MGAT4A: variants seen among roughly 807,000 people sequenced by gnomAD.
The protein encoded by MGAT4A is N-acetylglucosaminyltransferase IVa.
MGAT4A carries 33 observed loss-of-function variants against 74.1 expected under a neutral mutation model. The observed-to-expected ratio is 0.45, with a 90% CI of 0.34 to 0.60. MGAT4A has a LOEUF of 0.60. MGAT4A is among the 20% of genes least tolerant of loss of function. The pLI is 0.02. For synonymous variants in MGAT4A, 198 were observed against 210.4 expected (o/e 0.94, Z 0.51); for missense variants, 479 against 628.3 (o/e 0.76, Z 2.54).
chr2:98,634,746 A>G (rs1414085987), intron 14 of MGAT4A, among the ~76,000 whole-genome samples: 3 of 148,700 alleles, frequency 2.0e-5, no homozygotes, highest in Non-Finnish European at 4.5e-5. Context: ...AACTAGATGG[A>G]TAGGGACAGC....
rs1575236600 is a variant in MGAT4A, at chr2:98,623,727, A to T, written c.*1839T>A. 11 of 985,464 alleles carry T rather than the reference A, an allele frequency of 1.1e-5. No homozygotes were observed. The highest frequency in any genetic ancestry group is 1.0e-4 in the African/African-American group (6 of 57,376). The allele number at this position is 985,464 out of a possible 1,614,324, so 61.0% of individuals were successfully genotyped here. ...CTAAAAATTATAACAACATGGAGTG[A>T]TGGAAATAATTGTACTGTATCAGTG... On this transcript the variant is annotated 3_prime_UTR_variant, in exon 16 of 16. Coordinates refer to ENST00000393487, the MANE Select transcript of MGAT4A (RefSeq NM_012214.3).
chr2:98,711,262 GA>G (rs60628182), intron 2 of MGAT4A, among the ~76,000 whole-genome samples: 1,205 of 110,268 alleles, frequency 0.011, 9 homozygotes, highest in African/African-American at 0.026. Context: ...AGTTAATTTG[GA>G]AAAAAAAAAA....
intron 2 of MGAT4A, among the ~76,000 whole-genome samples, chr2:98,690,689 G>A (rs1400438950): frequency 6.6e-6 from 1 of 152,100 alleles, no homozygotes; most frequent in African/African-American, 2.4e-5. Flanking sequence ...CCAAGATGAC[G>A]CAGATGTTGA....
rs1701381398 is a variant in MGAT4A, at chr2:98,640,014, A to T, written c.1129-13T>A. On this transcript the variant is annotated splice_polypyrimidine_tract_variant and intron_variant, in intron 11 of 15. Coordinates refer to ENST00000393487, the MANE Select transcript of MGAT4A (RefSeq NM_012214.3). Reference sequence around the variant, plus strand: ...TATAATCTTTATCCTGGGAGCAAAGACATATATGCTATTAAATAATACACA... The same window carrying T: ...TATAATCTTTATCCTGGGAGCAAAGTCATATATGCTATTAAATAATACACA... The T allele has an allele frequency of 6.3e-7, 1 of 1,596,406 alleles. No individual in the cohort carries two copies. Among genetic ancestry groups the T allele is most frequent in the Admixed American group, 1.8e-5 (1 of 57,092 alleles).
intron 12 of MGAT4A, among the ~76,000 whole-genome samples, chr2:98,639,309 A>G (rs1485852964): frequency 1.3e-5 from 2 of 152,144 alleles, no homozygotes; most frequent in African/African-American, 4.8e-5. Context: ...AGAAAGTCCT[A>G]AATTTTGTAA....
chr2:98,647,737 A>C (rs190465169), intron 8 of MGAT4A, among the ~76,000 whole-genome samples: 5 of 152,344 alleles, frequency 3.3e-5, no homozygotes, highest in Admixed American at 3.3e-4. Flanking sequence ...TTTTGCAATA[A>C]AGCACTTTAT....
intron 2 of MGAT4A, among the ~76,000 whole-genome samples, chr2:98,687,275 C>T (rs1702143456): frequency 6.6e-6 from 1 of 152,118 alleles, no homozygotes; most frequent in Non-Finnish European, 1.5e-5. Flanking sequence ...AAGATAACTA[C>T]ATAGTTATCT....
intron 5 of MGAT4A, 63 bp from the exon 6 acceptor site, chr2:98,658,327 T>C (rs908235248): frequency 1.8e-5 from 16 of 877,872 alleles, no homozygotes; most frequent in Non-Finnish European, 2.7e-5. Context: ...CTGTTAATAC[T>C]GAACTCGAAA....
chr2:98,670,974 T>C (rs987889920), intron 4 of MGAT4A, among the ~76,000 whole-genome samples: 1 of 152,158 alleles, frequency 6.6e-6, no homozygotes, highest in Non-Finnish European at 1.5e-5. Flanking sequence ...ATTATCATAT[T>C]CAAATTTAAT....
At chr2:98,660,457 CA>C (rs1553537232) in intron 5 of MGAT4A, among the ~76,000 whole-genome samples, 1 of 141,766 alleles carries the variant, frequency 7.1e-6, no homozygotes, top group Admixed American at 7.1e-5. Flanking sequence ...CACACACACA[CA>C]ACAAATAGCC....
intron 5 of MGAT4A, among the ~76,000 whole-genome samples, chr2:98,660,509 C>T (rs1701733524): frequency 6.6e-6 from 1 of 151,268 alleles, no homozygotes; most frequent in Admixed American, 6.6e-5. Flanking sequence ...GGAGGCAACA[C>T]ACTTTATTAT....
chr2:98,708,258 G>A (rs1320198512), intron 2 of MGAT4A, among the ~76,000 whole-genome samples: 1 of 151,922 alleles, frequency 6.6e-6, no homozygotes, highest in African/African-American at 2.4e-5. Flanking sequence ...GTGAGCCACC[G>A]CACCCCGCCA....
At chr2:98,637,532 G>C (rs1701340886) in intron 12 of MGAT4A, among the ~76,000 whole-genome samples, 1 of 152,130 alleles carries the variant, frequency 6.6e-6, no homozygotes. Context: ...ATAATACTCT[G>C]TTTTTGATAC....
At chr2:98,645,570 T>A in intron 8 of MGAT4A, 28 bp from the exon 9 acceptor site, 1 of 1,443,734 alleles carries the variant, frequency 6.9e-7, no homozygotes, top group Middle Eastern at 2.4e-4. Context: ...ATCATATTAA[T>A]ACATCAAAAA....
At chr2:98,641,666 A>T (rs1701412214) in intron 10 of MGAT4A, among the ~76,000 whole-genome samples, 1 of 149,572 alleles carries the variant, frequency 6.7e-6, no homozygotes, top group African/African-American at 2.5e-5. Flanking sequence ...ACGGAGCGAG[A>T]CTCCGTCTCA....
At chr2:98,697,910 A>T (rs1702299440) in intron 2 of MGAT4A, among the ~76,000 whole-genome samples, 1 of 152,226 alleles carries the variant, frequency 6.6e-6, no homozygotes, top group Admixed American at 6.5e-5. Context: ...CAAATGCTAA[A>T]GGTTGATGTA....
At position 98,624,174 on chromosome 2, in the gene MGAT4A, G is replaced by A; in HGVS notation, c.*1392C>T. 2 of 506,768 alleles carry A rather than the reference G, an allele frequency of 3.9e-6. No homozygotes were observed. The highest frequency in any genetic ancestry group is 5.1e-6 in the Non-Finnish European group (2 of 392,920). 31.4% of individuals were successfully genotyped at this position (506,768 alleles called of 1,614,324 possible). A position where few individuals can be genotyped will look rare whatever the true frequency, so the allele number is the denominator to read the frequency against. On this transcript the variant is annotated 3_prime_UTR_variant, in exon 16 of 16. Transcript: ENST00000393487. ...ATTACAGGCACCTGCCACCACGCCT[G>A]GCTAATTTTTTGTATTTTTAGTAGA...
rs1339775418 is a variant in MGAT4A, at chr2:98,623,152, A to G, written c.*2414T>C. 4 of 985,364 alleles carry G rather than the reference A, an allele frequency of 4.1e-6. No homozygotes were observed. The highest frequency in any genetic ancestry group is 3.6e-6 in the Non-Finnish European group (3 of 829,980). 61.0% of individuals were successfully genotyped at this position (985,364 alleles called of 1,614,324 possible). A position where few individuals can be genotyped will look rare whatever the true frequency, so the allele number is the denominator to read the frequency against. On this transcript the variant is annotated 3_prime_UTR_variant, in exon 16 of 16. Transcript: ENST00000393487. ...GCACGGGTAGATTCATGGGGAGAGA[A>G]GCACAAAAAAGTCCTGGAATGATAG...
At chr2:98,661,015 C>T (rs1701741315) in intron 5 of MGAT4A, among the ~76,000 whole-genome samples, 1 of 152,180 alleles carries the variant, frequency 6.6e-6, no homozygotes, top group East Asian at 1.9e-4. Flanking sequence ...GCATGCTGCA[C>T]ATCTGATAAA....
Sources: gnomAD v4.1 joint callset for allele counts (sites outside exome capture counted in the v4.1 genomes callset) on GRCh38, gnomAD v4.1.1 for gene constraint, MANE v1.5 for transcripts, NCBI Gene and HGNC (gene_info 2026-07-23, HGNC 2026-07-21) for gene names.